Variants in SHANK2 observed in about 807,000 individuals in gnomAD.
The protein encoded by SHANK2 is SH3 and multiple ankyrin repeat domains 2, also known as SH3 and multiple ankyrin repeat domains protein 2.
SHANK2 carries 43 observed loss-of-function variants against 133.7 expected under a neutral mutation model. That is an observed-to-expected ratio of 0.32 (90% confidence interval 0.25 to 0.41). The LOEUF (loss-of-function observed/expected upper bound fraction) is 0.41. Among genes scored for constraint, SHANK2 ranks in the 10% least tolerant of loss-of-function variants. The pLI is 1.00. For synonymous variants in SHANK2, 1,017 were observed against 952.8 expected (o/e 1.07, Z -1.24); for missense variants, 1,994 against 2,235.8 (o/e 0.89, Z 2.18).
chr11:70,778,240 C>T (rs1274040814), intron 14 of SHANK2, among the ~76,000 whole-genome samples: 1 of 152,226 alleles, frequency 6.6e-6, no homozygotes, highest in Non-Finnish European at 1.5e-5. Flanking sequence ...CCTAAAGAGG[C>T]TTCTAAATGC....
chr11:70,578,389 T>C (rs188489347), intron 17 of SHANK2, among the ~76,000 whole-genome samples: 4 of 152,292 alleles, frequency 2.6e-5, no homozygotes, highest in Admixed American at 2.0e-4. Flanking sequence ...CCTTCCCTGC[T>C]CACCTGAGGA....
chr11:71,085,814 GTTATA>G lies in SHANK2; in HGVS notation c.912+6603_912+6607del, dbSNP rs1590894880. On this transcript the variant is annotated intron_variant, in intron 8 of 25. Transcript: ENST00000601538. ...TATATGATACAACATAATATATTAT[GTTATA>G]TTATATAATAATATTATACAACAAT... Among the ~76,000 whole-genome samples the G allele has an allele frequency of 9.1e-4, 21 of 23,014 alleles. 2 individuals are homozygous for G. Among genetic ancestry groups the G allele is most frequent in the South Asian group, 3.0e-3 (1 of 334 alleles). The allele number at this position is 23,014 out of a possible 152,430, so 15.1% of individuals were successfully genotyped here.
chr11:71,128,056 TG>T (rs1271192394), intron 3 of SHANK2, among the ~76,000 whole-genome samples: 1 of 152,200 alleles, frequency 6.6e-6, no homozygotes, highest in East Asian at 1.9e-4. Flanking sequence ...AGCTGACCAC[TG>T]GGCACCTTGG....
chr11:70,518,676 C>T (rs557959026), intron 17 of SHANK2, among the ~76,000 whole-genome samples: 8 of 152,318 alleles, frequency 5.3e-5, no homozygotes, highest in South Asian at 2.1e-4. Flanking sequence ...CCTTTGCAGG[C>T]GGTGCCGGGC....
chr11:70,488,322 C>T (rs1330499649), intron 24 of SHANK2, among the ~76,000 whole-genome samples: 1 of 152,170 alleles, frequency 6.6e-6, no homozygotes, highest in Non-Finnish European at 1.5e-5. Flanking sequence ...GTCCAGATGG[C>T]ACTTGAGCCC....
At chr11:70,910,949 A>G in intron 10 of SHANK2, 1 of 456,620 alleles carries the variant, frequency 2.2e-6, no homozygotes. Flanking sequence ...GCACATGTGC[A>G]CATAATTCGA....
intron 17 of SHANK2, among the ~76,000 whole-genome samples, chr11:70,517,180 C>T (rs1201220890): frequency 3.9e-5 from 6 of 152,222 alleles, no homozygotes; most frequent in African/African-American, 7.2e-5. Flanking sequence ...CCACTACACA[C>T]CTATGGAATG....
intron 17 of SHANK2, among the ~76,000 whole-genome samples, chr11:70,544,358 C>T (rs756598082): frequency 7.9e-5 from 12 of 152,220 alleles, no homozygotes; most frequent in East Asian, 1.9e-4. Flanking sequence ...GAGCCCCACG[C>T]GTAGGACCTT....
intron 11 of SHANK2, among the ~76,000 whole-genome samples, chr11:70,840,477 G>A (rs1307835219): frequency 1.3e-5 from 2 of 152,322 alleles, no homozygotes; most frequent in East Asian, 3.9e-4. Flanking sequence ...GCTCTGAGGA[G>A]CATCCTTGTC....
intron 10 of SHANK2, among the ~76,000 whole-genome samples, chr11:70,905,347 C>T (rs542557737): frequency 1.3e-5 from 2 of 152,316 alleles, no homozygotes; most frequent in African/African-American, 2.4e-5. Flanking sequence ...CTTCACTGAA[C>T]ACCACAAAGT....
Position 70,473,130 on chromosome 11 carries a change from C to T in SHANK2, c.5289G>A (p.Ser1763=), listed in dbSNP as rs782033372. The change falls in exon 26 of 26, where the codon TCG becomes TCA. Residue 1763 remains serine, a synonymous_variant. Transcript: ENST00000601538. The surrounding 1 kb of genome is among the most constrained non-coding windows in gnomAD (Gnocchi z 5.9). ...GCTGTTGCAGTATCGAGGGGGATGG[C>T]GACCTACTGCGTCCCGCTGGGTTCA... ...FGLNPAGRSR[S]PSPSILQQPI... 24 of 1,614,120 alleles carry T rather than the reference C, an allele frequency of 1.5e-5. No individual in the cohort carries two copies. Among genetic ancestry groups the T allele is most frequent in the South Asian group, 4.4e-5 (4 of 91,088 alleles).
chr11:70,886,186 G>A (rs1340732833), intron 11 of SHANK2, among the ~76,000 whole-genome samples: 7 of 152,190 alleles, frequency 4.6e-5, no homozygotes, highest in Non-Finnish European at 8.8e-5. Flanking sequence ...AGTCCCAACA[G>A]ACAGGTCACA....
chr11:70,504,378 C>T lies in SHANK2; in HGVS notation c.2062-1447G>A, dbSNP rs138327802. On this transcript the variant is annotated intron_variant, in intron 17 of 25. Transcript: ENST00000601538. ...TGGCTCCCCATACTGTTGACAGGCCCAGGATGTGCCAGTTTTGGTCACCTA... is the reference window on the plus strand; with the variant it reads ...TGGCTCCCCATACTGTTGACAGGCCTAGGATGTGCCAGTTTTGGTCACCTA... 9.7e-4 allele frequency among the ~76,000 whole-genome samples: 148 copies of T among 152,292 alleles called. 1 individual carries two copies. Among genetic ancestry groups the T allele is most frequent in the South Asian group, 4.2e-4 (2 of 4,814 alleles).
In SHANK2 at chr11:70,535,468, G is replaced by GTCCA. The variant is rs782323185; in HGVS notation, c.2062-32541_2062-32538dup. Among the ~76,000 whole-genome samples the GTCCA allele has an allele frequency of 1.4e-3, 213 of 150,668 alleles. 2 individuals carry two copies. The highest frequency in any genetic ancestry group is 4.8e-3 in the African/African-American group (194 of 40,418). On this transcript the variant is annotated intron_variant, in intron 17 of 25. Coordinates refer to ENST00000601538, the MANE Select transcript of SHANK2 (RefSeq NM_012309.5). The surrounding 1 kb of genome is among the most constrained non-coding windows in gnomAD (Gnocchi z 4.3). ...CATCAGTCCAACCATCAGTCCGTCC[G>GTCCA]TCCATCCATCCATCCATCCATCCAT...
At chr11:71,085,582 ATATAT>A (rs1951371614) in intron 8 of SHANK2, among the ~76,000 whole-genome samples, 1 of 34,928 alleles carries the variant, frequency 2.9e-5, no homozygotes, top group Admixed American at 7.0e-4. Flanking sequence ...ATATTATATA[ATATAT>A]TATATAATAT....
intron 10 of SHANK2, among the ~76,000 whole-genome samples, chr11:70,905,296 G>A (rs1383976251): frequency 6.6e-6 from 1 of 152,164 alleles, no homozygotes; most frequent in Admixed American, 6.6e-5. Flanking sequence ...AGCACTGTGT[G>A]CAAAATACCT....
chr11:70,560,782 C>G (rs1175086877), intron 17 of SHANK2, among the ~76,000 whole-genome samples: 1 of 152,064 alleles, frequency 6.6e-6, no homozygotes, highest in Non-Finnish European at 1.5e-5. Context: ...CAGGCACCCA[C>G]CACCACACCC....
At chr11:70,802,177 C>T (rs1555050697) in intron 13 of SHANK2, among the ~76,000 whole-genome samples, 1 of 152,146 alleles carries the variant, frequency 6.6e-6, no homozygotes, top group Admixed American at 6.5e-5. Flanking sequence ...ATCCTCAACA[C>T]CATGTCTGCT....
chr11:70,928,667 C>A (rs1054732039), intron 10 of SHANK2, among the ~76,000 whole-genome samples: 6 of 151,966 alleles, frequency 3.9e-5, no homozygotes, highest in Non-Finnish European at 5.9e-5. Context: ...GAAGAACCAG[C>A]CCCTCCAATG....
Sources: allele counts gnomAD v4.1 joint callset (sites outside exome capture counted in the v4.1 genomes callset), GRCh38; gene constraint gnomAD v4.1.1; non-coding constraint Gnocchi (gnomAD v3.1); transcripts MANE v1.5; gene names NCBI Gene and HGNC (gene_info 2026-07-23, HGNC 2026-07-21).